Variants in GPATCH8 observed in about 807,000 individuals in gnomAD.
GPATCH8 encodes the protein G patch domain-containing protein 8.
GPATCH8 carries 18 observed loss-of-function variants against 118.3 expected under a neutral mutation model. The ratio of observed to expected loss-of-function variants is 0.15; its 90% CI spans 0.11 to 0.23. GPATCH8 has a LOEUF of 0.23. Ranked by LOEUF, GPATCH8 falls within the 10% of genes least tolerant of loss-of-function variation. GPATCH8 has a pLI of 1.00. For synonymous variants in GPATCH8, 659 were observed against 684.7 expected (o/e 0.96, Z 0.59); for missense variants, 1,631 against 1,873.8 (o/e 0.87, Z 2.39).
intron 3 of GPATCH8, among the ~76,000 whole-genome samples, chr17:44,463,002 A>G (rs554204149): frequency 5.3e-4 from 80 of 151,784 alleles, no homozygotes; most frequent in African/African-American, 1.9e-3. Context: ...AAATAAATAA[A>G]TAAATAAATA....
intron 6 of GPATCH8, among the ~76,000 whole-genome samples, chr17:44,409,798 G>C (rs1176516613): frequency 1.3e-5 from 2 of 152,128 alleles, no homozygotes; most frequent in Non-Finnish European, 2.9e-5. Context: ...CCTTCCCTCC[G>C]TGTGGGGCAG....
chr17:44,451,922 A>G (rs996721418), intron 3 of GPATCH8, among the ~76,000 whole-genome samples: 1 of 152,166 alleles, frequency 6.6e-6, no homozygotes, highest in African/African-American at 2.4e-5. Flanking sequence ...ACATTACAGC[A>G]TATTGGTTAA....
intron 1 of GPATCH8, among the ~76,000 whole-genome samples, chr17:44,477,888 C>T (rs1330260345): frequency 6.6e-6 from 1 of 152,156 alleles, no homozygotes; most frequent in East Asian, 1.9e-4. Context: ...CAGCTCACTG[C>T]AAACAAGGCC....
chr17:44,398,478 C>T lies in GPATCH8; in HGVS notation c.3599G>A (p.Gly1200Asp), dbSNP rs1462249762. The change falls in exon 8 of 8, where the codon GGC becomes GAC. Residue 1200 changes from glycine (G) to aspartate (D), a missense_variant. Around this residue, in one of 8 missense-constraint regions of GPATCH8, gnomAD observed 922 missense variants for 879.7 expected, o/e 1.05. Transcript: ENST00000591680. ...TTCTGGGGGTGGGTCTAATAAGGGGCCAGTTGTTTCCTCTGAAGGGAACTG... is the reference window on the plus strand; with the variant it reads ...TTCTGGGGGTGGGTCTAATAAGGGGTCAGTTGTTTCCTCTGAAGGGAACTG... ...GHQFPSEETT[G>D]PLLDPPPEES... 11 of 1,609,048 alleles carry T rather than the reference C, an allele frequency of 6.8e-6. No homozygotes were observed. The highest frequency in any genetic ancestry group is 8.5e-6 in the Non-Finnish European group (10 of 1,177,478).
intron 3 of GPATCH8, among the ~76,000 whole-genome samples, chr17:44,444,958 C>T (rs565837550): frequency 5.9e-5 from 9 of 152,234 alleles, no homozygotes; most frequent in East Asian, 3.9e-4. Context: ...CATCATGATG[C>T]GCGCCGCTTA....
chr17:44,448,457 AC>A (rs1251778983), intron 3 of GPATCH8, among the ~76,000 whole-genome samples: 1 of 131,794 alleles, frequency 7.6e-6, no homozygotes, highest in Non-Finnish European at 1.6e-5. Context: ...CTACAGCTAC[AC>A]AGGATGCTGA....
At chr17:44,441,488 CTGAGGCGGGCAGATCACT>C (rs1342541227) in intron 3 of GPATCH8, among the ~76,000 whole-genome samples, 1 of 152,150 alleles carries the variant, frequency 6.6e-6, no homozygotes, top group Non-Finnish European at 1.5e-5. Flanking sequence ...CTGTGGGAGG[CTGAGGCGGGCAGATCACT>C]TGAGGTCAGG....
intron 6 of GPATCH8, among the ~76,000 whole-genome samples, chr17:44,408,351 G>C (rs1204735459): frequency 6.6e-6 from 1 of 151,944 alleles, no homozygotes; most frequent in Non-Finnish European, 1.5e-5. Context: ...ACACCCGGCT[G>C]ATTTTTTATA....
chr17:44,400,262 G>A lies in GPATCH8; in HGVS notation c.1815C>T (p.Gly605=). The A allele has an allele frequency of 2.5e-6, 4 of 1,614,098 alleles. No individual in the cohort carries two copies. The highest frequency in any genetic ancestry group is 3.4e-6 in the Non-Finnish European group (4 of 1,180,002). ...IGSSSKDHLQ[G]LDPGEPNKSK... ...TTTTATTTGGCTCACCAGGATCTAG[G>A]CCTTGGAGATGGTCCTTTGAGGAGC... The change falls in exon 8 of 8, where the codon GGC becomes GGT. Residue 605 remains glycine (G), a synonymous_variant. Transcript: ENST00000591680.
chr17:44,400,469 G>A lies in GPATCH8; in HGVS notation c.1608C>T (p.Pro536=), dbSNP rs755911938. 5 of 1,614,174 alleles carry A rather than the reference G, an allele frequency of 3.1e-6. No homozygotes were observed. In the South Asian group the frequency reaches 4.4e-5, roughly 14 times the overall value. Residue 536 remains proline, a synonymous_variant, in exon 8 of 8, where the codon CCC becomes CCT. Transcript: ENST00000591680. ...SQEGPKHPTG[P]FFPVLSKDES... ...CATCTTTGCTCAAAACTGGGAAGAA[G>A]GGACCAGTAGGATGTTTGGGTCCTT...
intron 3 of GPATCH8, among the ~76,000 whole-genome samples, chr17:44,447,507 T>G (rs1237827148): frequency 6.6e-6 from 1 of 152,168 alleles, no homozygotes; most frequent in Non-Finnish European, 1.5e-5. Flanking sequence ...AAGACTGGGC[T>G]GCAAAGCTTA....
intron 5 of GPATCH8, among the ~76,000 whole-genome samples, chr17:44,429,131 C>T (rs564682429): frequency 6.6e-6 from 1 of 151,428 alleles, no homozygotes; most frequent in Admixed American, 6.6e-5. Context: ...ACAGAGACTC[C>T]ATCTCAAAAA....
intron 3 of GPATCH8, among the ~76,000 whole-genome samples, chr17:44,447,845 G>C (rs950020712): frequency 1.3e-5 from 2 of 152,236 alleles, no homozygotes; most frequent in African/African-American, 2.4e-5. Context: ...ACAACAAATG[G>C]AAGATATTTT....
At chr17:44,449,201 C>T (rs559457395) in intron 3 of GPATCH8, among the ~76,000 whole-genome samples, 2 of 152,176 alleles carry the variant, frequency 1.3e-5, no homozygotes, top group South Asian at 2.1e-4. Context: ...CACTTGAACC[C>T]GGGAGGCAGA....
rs1202563526 is a variant in GPATCH8, at chr17:44,398,922, T to C, written c.3155A>G (p.Asp1052Gly). The C allele has an allele frequency of 1.9e-6, 3 of 1,614,172 alleles. No individual in the cohort carries two copies. Among genetic ancestry groups the C allele is most frequent in the East Asian group, 2.2e-5 (1 of 44,890 alleles). The stretch of plus-strand genomic sequence containing the variant: ...TGCTTTACTGTCATCTCCTCTGCCA[T>C]CATCTTTCTTCCCAGGACCTTCTCC... Reference protein sequence around the residue: ...GRGEGPGKKDDGRGDDSKATG... With the variant: ...GRGEGPGKKDGGRGDDSKATG... The change falls in exon 8 of 8, where the codon GAT (aspartate) becomes GGT (glycine). Residue 1052 changes from aspartate (D) to glycine (G), a missense_variant. Asp to Gly is a moderately conservative substitution (Grantham distance 94). Transcript: ENST00000591680.
chr17:44,464,594 C>T, intron 2 of GPATCH8, 50 bp from the exon 3 acceptor site: 1 of 1,029,110 alleles, frequency 9.7e-7, no homozygotes, highest in Non-Finnish European at 1.5e-6. Context: ...ATAATATATT[C>T]TTCCCTTCCT....
At chr17:44,451,546 T>G (rs2051112071) in intron 3 of GPATCH8, among the ~76,000 whole-genome samples, 1 of 152,194 alleles carries the variant, frequency 6.6e-6, no homozygotes, top group Admixed American at 6.5e-5. Flanking sequence ...ACAAAAATTA[T>G]ACAAGATTGA....
chr17:44,483,873 A>G (rs1968560891), intron 1 of GPATCH8, among the ~76,000 whole-genome samples: 1 of 151,134 alleles, frequency 6.6e-6, no homozygotes, highest in Non-Finnish European at 1.5e-5. Flanking sequence ...ACAGAGTCTC[A>G]TTCTGTTGCC....
intron 5 of GPATCH8, among the ~76,000 whole-genome samples, chr17:44,424,905 G>A (rs959389087): frequency 6.6e-6 from 1 of 152,124 alleles, no homozygotes; most frequent in Admixed American, 6.5e-5. Flanking sequence ...ATATTCTATG[G>A]TCATTCTACA....
Sources: gnomAD v4.1 joint callset for allele counts (sites outside exome capture counted in the v4.1 genomes callset) on GRCh38, gnomAD v4.1.1 for gene constraint, gnomAD v4.1.1 regional missense constraint, MANE v1.5 for transcripts, NCBI Gene and HGNC (gene_info 2026-07-23, HGNC 2026-07-21) for gene names.